The following SPATA9 variants were observed in gnomAD, a reference collection of about 807,000 sequenced individuals.
The protein encoded by SPATA9 is spermatogenesis-associated protein 9.
Under a neutral mutation model 25.5 loss-of-function variants are expected in SPATA9, and 27 were observed. That is an observed-to-expected ratio of 1.06 (90% CI 0.78 to 1.46). SPATA9 has a LOEUF of 1.46. SPATA9 is among the 40% of genes most tolerant of loss of function. The pLI, the probability that SPATA9 is intolerant of heterozygous loss-of-function variation, is 0.00. For synonymous variants in SPATA9, 102 were observed against 105.7 expected (o/e 0.97, Z 0.21); for missense variants, 282 against 297.5 (o/e 0.95, Z 0.38).
chr5:95,668,632 T>A (rs1266338581), intron 3 of SPATA9, among the ~76,000 whole-genome samples: 1 of 152,238 alleles, frequency 6.6e-6, no homozygotes, highest in Non-Finnish European at 1.5e-5. Flanking sequence ...TTAAAAAATG[T>A]CTTGGTATCA....
At chr5:95,655,526 A>G (rs1450686068), downstream of SPATA9, 1 of 152,864 alleles carries the variant, frequency 6.5e-6, no homozygotes, top group Non-Finnish European at 1.5e-5. Flanking sequence ...ATGCATTGAA[A>G]CAAGATCCAG....
At chr5:95,705,736 GC>G in the SPATA9 span, among the ~76,000 whole-genome samples, 1 of 152,086 alleles carries the variant, frequency 6.6e-6, no homozygotes. Context: ...AATATGAAAA[GC>G]CTTTTCATTT....
At chr5:95,682,065 C>G (rs1753511399) in intron 2 of SPATA9, among the ~76,000 whole-genome samples, 1 of 152,122 alleles carries the variant, frequency 6.6e-6, no homozygotes, top group South Asian at 2.1e-4. Context: ...CTTTTTGGAA[C>G]AGAGGTTTAA....
At chr5:95,695,495 G>C (rs1027031686) in intron 1 of SPATA9, among the ~76,000 whole-genome samples, 5 of 149,538 alleles carry the variant, frequency 3.3e-5, no homozygotes, top group African/African-American at 1.2e-4. Context: ...CTACTTGGGA[G>C]GTTGAGGCAG....
Position 95,663,826 on chromosome 5 carries a change from T to C in SPATA9, c.474+127A>G, listed in dbSNP as rs577701547. The C allele has an allele frequency of 2.9e-5, 14 of 486,638 alleles. No homozygotes were observed. The East Asian group carries it at 4.4e-4, about 15-fold the overall frequency. 30.1% of individuals were successfully genotyped at this position (486,638 alleles called of 1,614,324 possible). ...AGAAAAGGAAATTTTTAATATAAAA[T>C]TGTTTTGTGTAACGAGACTGTGAAT... On this transcript the variant is annotated intron_variant, in intron 4 of 4. Coordinates refer to ENST00000274432, the MANE Select transcript of SPATA9 (RefSeq NM_031952.4).
At chr5:95,728,902 C>G in the SPATA9 span, among the ~76,000 whole-genome samples, 1 of 152,182 alleles carries the variant, frequency 6.6e-6, no homozygotes, top group African/African-American at 2.4e-5. Flanking sequence ...CCTCACTGCT[C>G]ATTATATGCT....
At chr5:95,697,918 G>A (rs58424504) in intron 1 of SPATA9, among the ~76,000 whole-genome samples, 2,343 of 147,788 alleles carry the variant, frequency 0.016, 58 homozygotes, top group African/African-American at 0.056. Flanking sequence ...AAAAAAAAAA[G>A]CAGCTCACAG....
At chr5:95,671,755 A>T (rs556941675) in intron 3 of SPATA9, among the ~76,000 whole-genome samples, 1 of 152,170 alleles carries the variant, frequency 6.6e-6, no homozygotes, top group Non-Finnish European at 1.5e-5. Context: ...TTCACTTCCA[A>T]TAAATTTAAT....
intron 1 of SPATA9, among the ~76,000 whole-genome samples, chr5:95,693,819 T>C (rs1580357179): frequency 6.6e-6 from 1 of 152,338 alleles, no homozygotes; most frequent in South Asian, 2.1e-4. Context: ...TATCTCCTGA[T>C]AGAATCTTCC....
chr5:95,663,883 G>T, intron 4 of SPATA9, 70 bp downstream of exon 4: 1 of 786,818 alleles, frequency 1.3e-6, no homozygotes, highest in Non-Finnish European at 2.0e-6. Context: ...GTATACTATT[G>T]CACAGTATTA....
chr5:95,708,883 A>T, the SPATA9 span: 6 of 447,402 alleles, frequency 1.3e-5, no homozygotes, highest in African/African-American at 1.2e-4. Context: ...CACGGAGGAC[A>T]TAATAGGTGA....
At chr5:95,710,195 C>T in the SPATA9 span, among the ~76,000 whole-genome samples, 1 of 152,146 alleles carries the variant, frequency 6.6e-6, no homozygotes. Context: ...TGTCTGTGAA[C>T]ACAGTGGCGT....
chr5:95,652,496 C>T (rs947428628), downstream of SPATA9: 27 of 865,440 alleles, frequency 3.1e-5, no homozygotes, highest in Non-Finnish European at 4.3e-5. Flanking sequence ...CTTGATTTTC[C>T]ATTCTGCAAA....
At chr5:95,673,900 C>G (rs1287000244) in intron 3 of SPATA9, among the ~76,000 whole-genome samples, 1 of 152,034 alleles carries the variant, frequency 6.6e-6, no homozygotes, top group East Asian at 1.9e-4. Flanking sequence ...CACCACCATG[C>G]TGGCTAATAT....
At chr5:95,700,725 C>A (rs187498403), upstream of SPATA9, among the ~76,000 whole-genome samples, 1 of 152,136 alleles carries the variant, frequency 6.6e-6, no homozygotes, top group Non-Finnish European at 1.5e-5. Context: ...CTGTGCCCGG[C>A]CCCAATAACT....
At chr5:95,713,749 A>C in the SPATA9 span, 16 of 151,994 alleles carry the variant, frequency 1.1e-4, no homozygotes, top group Non-Finnish European at 2.1e-4. Context: ...CATTCCTTTC[A>C]TCATTTAAGT....
the SPATA9 span, chr5:95,731,564 G>A: frequency 6.7e-7 from 1 of 1,489,986 alleles, no homozygotes; most frequent in East Asian, 2.7e-5. Context: ...GTGGAGGCGC[G>A]CGAGGGGGAC....
the SPATA9 span, among the ~76,000 whole-genome samples, chr5:95,708,128 G>A: frequency 6.6e-6 from 1 of 152,192 alleles, no homozygotes; most frequent in Non-Finnish European, 1.5e-5. Flanking sequence ...GATACCAGGG[G>A]ATGTTATTTT....
chr5:95,665,935 C>T (rs1248618738), intron 3 of SPATA9, among the ~76,000 whole-genome samples: 1 of 152,220 alleles, frequency 6.6e-6, no homozygotes, highest in Non-Finnish European at 1.5e-5. Flanking sequence ...TGCCATTGCA[C>T]TCCAGCCTGG....
Sources: gnomAD v4.1 joint callset for allele counts (sites outside exome capture counted in the v4.1 genomes callset) on GRCh38, gnomAD v4.1.1 for gene constraint, MANE v1.5 for transcripts, NCBI Gene and HGNC (gene_info 2026-07-23, HGNC 2026-07-21) for gene names.